The following ERC1 variants were observed in gnomAD, a reference collection of about 807,000 sequenced individuals.
ERC1 encodes the protein RAB6 interacting protein 2.
In ERC1, 56 loss-of-function variants were observed where a neutral mutation model predicts 132.0. The observed-to-expected ratio is 0.42, with a 90% CI of 0.34 to 0.53. ERC1 has a LOEUF of 0.53. Ranked by LOEUF, ERC1 falls within the 20% of genes least tolerant of loss-of-function variation. ERC1 has a pLI of 0.03. For synonymous variants in ERC1, 478 were observed against 476.1 expected, an observed-to-expected ratio of 1.00 and a Z score of -0.05; for missense variants, 1,202 against 1,349.9, an observed-to-expected ratio of 0.89 and a Z score of 1.72.
intron 17 of ERC1, 196 bp from the exon 18 acceptor site, chr12:1,444,366 G>C (rs7955243): frequency 2.1e-6 from 1 of 470,078 alleles, no homozygotes; most frequent in East Asian, 3.4e-5. Flanking sequence ...GGGCGGCTGC[G>C]TGTGACAGCG....
intron 3 of ERC1, among the ~76,000 whole-genome samples, chr12:1,084,600 T>G (rs904758844): frequency 6.6e-6 from 1 of 152,166 alleles, no homozygotes; most frequent in African/African-American, 2.4e-5. Flanking sequence ...GGAAATAGAT[T>G]AACAAAAACT....
intron 15 of ERC1, among the ~76,000 whole-genome samples, chr12:1,309,627 T>C (rs2081140307): frequency 6.6e-6 from 1 of 152,098 alleles, no homozygotes; most frequent in African/African-American, 2.4e-5. Flanking sequence ...TTTTGTCTCT[T>C]CGTTATCTCT....
At chr12:1,442,038 C>T (rs1247326602) in intron 17 of ERC1, among the ~76,000 whole-genome samples, 6 of 152,188 alleles carry the variant, frequency 3.9e-5, no homozygotes, top group Admixed American at 1.3e-4. Flanking sequence ...AGCGATTCTC[C>T]GGCCTCAGCC....
intron 2 of ERC1, among the ~76,000 whole-genome samples, chr12:1,052,806 C>T (rs565863168): frequency 3.3e-4 from 50 of 152,058 alleles, no homozygotes; most frequent in Non-Finnish European, 1.0e-4. Flanking sequence ...CCCGTCTCCA[C>T]TAAAAATACA....
intron 8 of ERC1, 98 bp from the exon 9 acceptor site, chr12:1,180,442 C>T: frequency 2.7e-6 from 3 of 1,119,552 alleles, no homozygotes; most frequent in South Asian, 1.5e-5. Context: ...ACACAGACAA[C>T]CCTGAGCTAT....
At chr12:1,163,977 A>G (rs191481970) in intron 8 of ERC1, among the ~76,000 whole-genome samples, 1 of 152,244 alleles carries the variant, frequency 6.6e-6, no homozygotes, top group Non-Finnish European at 1.5e-5. Flanking sequence ...TGGCCTCCTG[A>G]AGTGCTGGAT....
chr12:1,242,222 A>C (rs920513436), intron 13 of ERC1, among the ~76,000 whole-genome samples: 1 of 152,074 alleles, frequency 6.6e-6, no homozygotes, highest in Non-Finnish European at 1.5e-5. Flanking sequence ...CTTTTTTTCT[A>C]GGTAAATTTA....
chr12:1,136,496 TG>T (rs1388760047), intron 7 of ERC1, among the ~76,000 whole-genome samples: 1 of 152,240 alleles, frequency 6.6e-6, no homozygotes, highest in Non-Finnish European at 1.5e-5. Context: ...TCCATTAGGT[TG>T]TAACTTCAGC....
At chr12:1,128,152 ATTAG>A (rs1391545999) in intron 7 of ERC1, among the ~76,000 whole-genome samples, 1 of 152,208 alleles carries the variant, frequency 6.6e-6, no homozygotes, top group East Asian at 1.9e-4. Flanking sequence ...ACAATTCCAC[ATTAG>A]TTAATCACTT....
rs1200837066 is a variant in ERC1, at chr12:1,477,701, A to G, written c.3214-12392A>G. On this transcript the variant is annotated intron_variant, in intron 18 of 18. Coordinates refer to ENST00000360905, the MANE Select transcript of ERC1 (RefSeq NM_178040.4). ...ATATAGCTGAATTACACACTCATAT[A>G]GCAAATTCTTGGAACAAGCAGCAGA... is the stretch of plus-strand genomic sequence containing the variant. 1.3e-5 allele frequency among the ~76,000 whole-genome samples: 2 copies of G among 152,206 alleles called. 1 individual carries two copies. Among genetic ancestry groups the G allele is most frequent in the South Asian group, 4.1e-4 (2 of 4,830 alleles).
Position 1,220,781 on chromosome 12 carries a change from C to G in ERC1, c.2352-15988C>G, listed in dbSNP as rs146423442. Among the ~76,000 whole-genome samples the G allele has an allele frequency of 4.8e-4, 73 of 152,340 alleles. 1 individual carries two copies. The highest frequency in any genetic ancestry group is 1.6e-3 in the African/African-American group (68 of 41,582). ...GAAATATTTGCTCTCTGATCCTTTA[C>G]AAGGGAAGTTTGCTAACCCTTGCTG... On this transcript the variant is annotated intron_variant, in intron 12 of 18. Coordinates refer to ENST00000360905, the MANE Select transcript of ERC1 (RefSeq NM_178040.4).
intron 1 of ERC1, among the ~76,000 whole-genome samples, chr12:1,000,804 A>G (rs908812655): frequency 6.6e-6 from 1 of 152,216 alleles, no homozygotes; most frequent in Non-Finnish European, 1.5e-5. Flanking sequence ...AAACTTCTCA[A>G]GAAATAAAAT....
At chr12:1,292,014 A>G (rs1037978994) in intron 15 of ERC1, among the ~76,000 whole-genome samples, 12 of 152,184 alleles carry the variant, frequency 7.9e-5, no homozygotes, top group Non-Finnish European at 1.8e-4. Flanking sequence ...GGAGCAGGGG[A>G]AAAATAATAA....
intron 15 of ERC1, among the ~76,000 whole-genome samples, chr12:1,292,687 G>A (rs1458592741): frequency 6.6e-6 from 1 of 152,196 alleles, no homozygotes; most frequent in African/African-American, 2.4e-5. Context: ...ACTGTTAGGA[G>A]AGAAAAGTAG....
intron 13 of ERC1, among the ~76,000 whole-genome samples, chr12:1,247,279 T>C (rs571601577): frequency 6.6e-6 from 1 of 150,928 alleles, no homozygotes; most frequent in East Asian, 1.9e-4. Context: ...GGAAAAACAA[T>C]GAAAGGACAT....
At chr12:1,450,274 T>C (rs937841942) in intron 18 of ERC1, among the ~76,000 whole-genome samples, 4 of 152,228 alleles carry the variant, frequency 2.6e-5, no homozygotes, top group Admixed American at 1.3e-4. Flanking sequence ...TCTCTGTAGC[T>C]CTTTTCATCT....
chr12:1,312,871 A>G (rs1412714580), intron 15 of ERC1, among the ~76,000 whole-genome samples: 3 of 151,966 alleles, frequency 2.0e-5, no homozygotes. Flanking sequence ...AGCCACTTTC[A>G]CTGTAACATT....
At chr12:1,037,968 C>T (rs536442804) in intron 2 of ERC1, among the ~76,000 whole-genome samples, 3 of 151,246 alleles carry the variant, frequency 2.0e-5, no homozygotes, top group East Asian at 2.0e-4. Context: ...AGCGTGAACC[C>T]GGGAGGCGGC....
chr12:1,256,083 G>C (rs2076793453), intron 13 of ERC1, among the ~76,000 whole-genome samples: 1 of 151,928 alleles, frequency 6.6e-6, no homozygotes, highest in African/African-American at 2.4e-5. Context: ...CCCATTTTTT[G>C]ATGGGGTTTG....
Sources: allele counts gnomAD v4.1 joint callset (sites outside exome capture counted in the v4.1 genomes callset), GRCh38; gene constraint gnomAD v4.1.1; transcripts MANE v1.5; gene names NCBI Gene and HGNC (gene_info 2026-07-23, HGNC 2026-07-21).